The following NELL1 variants were observed in gnomAD, a reference collection of about 807,000 sequenced individuals.
The protein encoded by NELL1 is protein kinase C-binding protein NELL1.
A neutral mutation model predicts 107.4 loss-of-function variants in NELL1; 76 were observed. That is an observed-to-expected ratio of 0.71 (90% CI 0.59 to 0.86). The LOEUF (loss-of-function observed/expected upper bound fraction) is 0.86. Among genes scored for constraint, NELL1 ranks in the 40% least tolerant of loss-of-function variants. NELL1 has a pLI of 0.00. For synonymous variants in NELL1, 353 were observed against 341.2 expected, an observed-to-expected ratio of 1.03 and a Z score of -0.38; for missense variants, 1,024 against 1,005.5, an observed-to-expected ratio of 1.02 and a Z score of -0.25.
chr11:20,910,089 C>G (rs933539128), intron 5 of NELL1, among the ~76,000 whole-genome samples: 2 of 152,100 alleles, frequency 1.3e-5, no homozygotes, highest in African/African-American at 4.8e-5. Flanking sequence ...GTGGAGTTGG[C>G]CAAAGGCTGA....
intron 14 of NELL1, among the ~76,000 whole-genome samples, chr11:21,273,262 G>A (rs943804158): frequency 6.6e-6 from 1 of 152,214 alleles, no homozygotes; most frequent in African/African-American, 2.4e-5. Context: ...GAATGCACAA[G>A]CCTCAGTAGC....
chr11:21,242,446 C>A (rs771156560), intron 14 of NELL1, among the ~76,000 whole-genome samples: 66 of 152,030 alleles, frequency 4.3e-4, no homozygotes, highest in Non-Finnish European at 4.0e-4. Context: ...ATGGCCACAC[C>A]GAACAATAAA....
chr11:20,689,899 C>T (rs1020033179), intron 2 of NELL1, among the ~76,000 whole-genome samples: 1 of 151,254 alleles, frequency 6.6e-6, no homozygotes, highest in Non-Finnish European at 1.5e-5. Context: ...TACAGTCCCA[C>T]CAACAGTGTA....
rs150518155 is a variant in NELL1 at position 20,968,775 on chromosome 11, T to C, written c.1300+8215T>C. ...TTCAGGGACCCTGGCTCCTTTCCTC[T>C]TGTGGTCCTAGCATGGGCAGTATGT... On this transcript the variant is annotated intron_variant, in intron 12 of 19. Coordinates refer to ENST00000357134, the MANE Select transcript of NELL1 (RefSeq NM_006157.5). Among the ~76,000 whole-genome samples the C allele has an allele frequency of 5.7e-3, 865 of 152,306 alleles. 12 individuals are homozygous for C. The highest frequency in any genetic ancestry group is 0.02 in the African/African-American group (821 of 41,586).
At chr11:21,538,242 T>C (rs1328286423) in intron 16 of NELL1, among the ~76,000 whole-genome samples, 1 of 152,154 alleles carries the variant, frequency 6.6e-6, no homozygotes. Flanking sequence ...TGTCACTCTA[T>C]GTCACTTTTT....
At chr11:20,788,633 G>A (rs2133988312) in intron 3 of NELL1, among the ~76,000 whole-genome samples, 1 of 150,416 alleles carries the variant, frequency 6.6e-6, no homozygotes, top group South Asian at 2.1e-4. Context: ...CCCATTCTGT[G>A]GGCGATCTTT....
At chr11:20,972,865 C>T (rs1851528290) in intron 12 of NELL1, among the ~76,000 whole-genome samples, 1 of 152,082 alleles carries the variant, frequency 6.6e-6, no homozygotes, top group Non-Finnish European at 1.5e-5. Context: ...TGCTGCAGTC[C>T]AGACAAGATG....
At chr11:21,566,484 C>T (rs1326348835) in intron 17 of NELL1, among the ~76,000 whole-genome samples, 1 of 151,720 alleles carries the variant, frequency 6.6e-6, no homozygotes. Context: ...AACTTTATTT[C>T]CCTGCTTTTT....
intron 4 of NELL1, among the ~76,000 whole-genome samples, chr11:20,857,310 C>T (rs1254180975): frequency 6.6e-6 from 1 of 152,138 alleles, no homozygotes; most frequent in African/African-American, 2.4e-5. Flanking sequence ...GCCTATAGCC[C>T]CCCGAGTGTT....
intron 13 of NELL1, among the ~76,000 whole-genome samples, chr11:21,168,062 T>A (rs1419370134): frequency 6.6e-6 from 1 of 151,858 alleles, no homozygotes; most frequent in Non-Finnish European, 1.5e-5. Context: ...GGGGAGATCA[T>A]GTCAATCTTA....
intron 14 of NELL1, among the ~76,000 whole-genome samples, chr11:21,269,263 A>C (rs1374018218): frequency 1.3e-5 from 2 of 152,024 alleles, no homozygotes; most frequent in African/African-American, 4.8e-5. Context: ...ATGACTGAGA[A>C]TTTTCTAACA....
intron 12 of NELL1, among the ~76,000 whole-genome samples, chr11:20,966,178 C>G (rs1438336369): frequency 6.6e-6 from 1 of 152,056 alleles, no homozygotes; most frequent in Non-Finnish European, 1.5e-5. Context: ...TTTATTTTCT[C>G]ATGGTGCTGG....
At chr11:21,173,415 A>G (rs1339619499) in intron 13 of NELL1, among the ~76,000 whole-genome samples, 1 of 151,716 alleles carries the variant, frequency 6.6e-6, no homozygotes, top group African/African-American at 2.4e-5. Flanking sequence ...CTTTTTTTCT[A>G]ATTTAACAGC....
At chr11:21,299,509 ATATGTGTGTG>A (rs1172436819) in intron 14 of NELL1, among the ~76,000 whole-genome samples, 4 of 106,568 alleles carry the variant, frequency 3.8e-5, no homozygotes, top group Admixed American at 1.0e-4. Flanking sequence ...TTATTGTCTT[ATATGTGTGTG>A]TGTGTGTGTG....
At chr11:20,992,709 A>ATTTTTTTT (rs56048576) in intron 12 of NELL1, among the ~76,000 whole-genome samples, 8 of 114,498 alleles carry the variant, frequency 7.0e-5, no homozygotes, top group Admixed American at 2.9e-4. Flanking sequence ...CAAAAGTGGC[A>ATTTTTTTT]TTTTTTTTTT....
intron 2 of NELL1, among the ~76,000 whole-genome samples, chr11:20,690,332 G>A (rs545886802): frequency 1.3e-5 from 2 of 152,278 alleles, no homozygotes; most frequent in African/African-American, 4.8e-5. Context: ...ATTGCTTTTG[G>A]TGTTTTAGAC....
intron 5 of NELL1, among the ~76,000 whole-genome samples, chr11:20,905,548 GA>G: frequency 6.6e-6 from 1 of 152,120 alleles, no homozygotes; most frequent in Non-Finnish European, 1.5e-5. Flanking sequence ...TCACGAAAAT[GA>G]TGTATAAAAA....
In NELL1 at chr11:21,570,889, G is replaced by C. The variant is rs372104078; in HGVS notation, c.2106G>C (p.Leu702=). The C allele has an allele frequency of 6.2e-7, 1 of 1,611,754 alleles. No homozygotes were observed. Among genetic ancestry groups the C allele is most frequent in the African/African-American group, 1.3e-5 (1 of 74,704 alleles). Residue 702 remains leucine, a synonymous_variant, in exon 18 of 20, where the codon CTG becomes CTC. Transcript: ENST00000357134. The part of the protein sequence containing the change: ...SQCLDQNGHK[L]YRSGDNWTHS... ...GTTTAGACCAAAATGGTCACAAGCT[G>C]TATCGAAGTGGAGACAATTGGACCC... is the stretch of plus-strand genomic sequence containing the variant.
At chr11:21,493,684 C>T (rs1564922962) in intron 15 of NELL1, among the ~76,000 whole-genome samples, 1 of 152,088 alleles carries the variant, frequency 6.6e-6, no homozygotes, top group Middle Eastern at 3.4e-3. Context: ...CAATATTTGA[C>T]AGCAGATAGG....
Sources: gnomAD v4.1 joint callset for allele counts (sites outside exome capture counted in the v4.1 genomes callset) on GRCh38, gnomAD v4.1.1 for gene constraint, MANE v1.5 for transcripts, NCBI Gene and HGNC (gene_info 2026-07-23, HGNC 2026-07-21) for gene names.